CSNK2A2IP: variants seen among roughly 807,000 people sequenced by gnomAD.
CSNK2A2IP encodes casein kinase II subunit alpha'-interacting protein.
the CSNK2A2IP span, among the ~76,000 whole-genome samples, chr3:88,403,043 A>G: frequency 0.089 from 13,499 of 152,006 alleles, 1,751 homozygotes; most frequent in African/African-American, 0.28. Flanking sequence ...TGCATAATCT[A>G]TAGTGGTTTT....
chr3:88,455,894 G>A, the CSNK2A2IP span, among the ~76,000 whole-genome samples: 742 of 111,014 alleles, frequency 6.7e-3, 6 homozygotes, highest in African/African-American at 0.02. Context: ...CTAAGAGAAG[G>A]GTCCTATTTA....
At chr3:88,358,789 A>T in the CSNK2A2IP span, among the ~76,000 whole-genome samples, 1 of 152,034 alleles carries the variant, frequency 6.6e-6, no homozygotes, top group Non-Finnish European at 1.5e-5. Context: ...ACTGGCCAGC[A>T]GTTTTTGTTG....
chr3:88,359,892 G>A, the CSNK2A2IP span, among the ~76,000 whole-genome samples: 1 of 152,096 alleles, frequency 6.6e-6, no homozygotes, highest in Non-Finnish European at 1.5e-5. Context: ...CTGGTCTATA[G>A]TGCAGGTTAA....
At chr3:88,424,648 G>A in the CSNK2A2IP span, among the ~76,000 whole-genome samples, 1 of 152,082 alleles carries the variant, frequency 6.6e-6, no homozygotes, top group Non-Finnish European at 1.5e-5. Flanking sequence ...CCCATCAAGT[G>A]CTGATATCTA....
At chr3:88,388,170 T>G in the CSNK2A2IP span, among the ~76,000 whole-genome samples, 2 of 152,352 alleles carry the variant, frequency 1.3e-5, no homozygotes, top group Non-Finnish European at 2.9e-5. Flanking sequence ...AACAATTCCA[T>G]GACGTCTTTG....
chr3:88,413,896 G>A, the CSNK2A2IP span, among the ~76,000 whole-genome samples: 1 of 151,706 alleles, frequency 6.6e-6, no homozygotes. Context: ...AAAATCTTAA[G>A]AGCAATAAGA....
the CSNK2A2IP span, among the ~76,000 whole-genome samples, chr3:88,393,217 TTC>T: frequency 6.6e-6 from 1 of 152,172 alleles, no homozygotes; most frequent in East Asian, 1.9e-4. Flanking sequence ...AAGAAAGCAT[TTC>T]AGGTAAACTT....
chr3:88,405,504 C>A, the CSNK2A2IP span, among the ~76,000 whole-genome samples: 1 of 152,150 alleles, frequency 6.6e-6, no homozygotes, highest in Non-Finnish European at 1.5e-5. Context: ...GAAAGCTTGT[C>A]AAAGTAGAGT....
chr3:88,463,271 T>A, the CSNK2A2IP span, among the ~76,000 whole-genome samples: 2 of 149,946 alleles, frequency 1.3e-5, no homozygotes, highest in South Asian at 2.1e-4. Context: ...TTTTTTTGTA[T>A]CATGTATCTT....
the CSNK2A2IP span, among the ~76,000 whole-genome samples, chr3:88,401,846 T>G: frequency 6.6e-6 from 1 of 152,138 alleles, no homozygotes; most frequent in African/African-American, 2.4e-5. Context: ...CAGGAGAGAA[T>G]GAAGAAGCAA....
At chr3:88,404,004 C>A in the CSNK2A2IP span, among the ~76,000 whole-genome samples, 1 of 151,892 alleles carries the variant, frequency 6.6e-6, no homozygotes, top group Non-Finnish European at 1.5e-5. Context: ...AGACAAGTTC[C>A]ACATACTTGG....
At chr3:88,463,303 A>G in the CSNK2A2IP span, among the ~76,000 whole-genome samples, 3 of 151,792 alleles carry the variant, frequency 2.0e-5, no homozygotes, top group Non-Finnish European at 4.4e-5. Flanking sequence ...TGAAGAGCCA[A>G]CCTTGGACCC....
the CSNK2A2IP span, among the ~76,000 whole-genome samples, chr3:88,433,210 C>T: frequency 3.3e-5 from 5 of 151,850 alleles, no homozygotes; most frequent in South Asian, 2.1e-4. Flanking sequence ...TTACTGATCC[C>T]GACTTAATAA....
chr3:88,370,610 C>CTCTCTTTCTT, the CSNK2A2IP span, among the ~76,000 whole-genome samples: 2 of 148,034 alleles, frequency 1.4e-5, no homozygotes, highest in African/African-American at 5.0e-5. Flanking sequence ...CTCTCTCTCT[C>CTCTCTTTCTT]TCTTTCTTTC....
the CSNK2A2IP span, among the ~76,000 whole-genome samples, chr3:88,411,379 G>GTCTA: frequency 7.3e-3 from 1,048 of 143,610 alleles, 10 homozygotes; most frequent in Admixed American, 9.2e-3. Context: ...CTATCTATCT[G>GTCTA]TCTATCTATC....
At chr3:88,394,785 G>C in the CSNK2A2IP span, among the ~76,000 whole-genome samples, 2 of 152,086 alleles carry the variant, frequency 1.3e-5, no homozygotes, top group Non-Finnish European at 2.9e-5. Context: ...AGTGTTGATT[G>C]GATTATTTTC....
the CSNK2A2IP span, among the ~76,000 whole-genome samples, chr3:88,457,149 A>G: frequency 6.6e-5 from 10 of 152,246 alleles, no homozygotes; most frequent in South Asian, 2.1e-3. Context: ...GCATTTAGTC[A>G]TTAGGTTTAA....
chr3:88,352,276 A>G, the CSNK2A2IP span, among the ~76,000 whole-genome samples: 154 of 152,270 alleles, frequency 1.0e-3, no homozygotes, highest in African/African-American at 3.4e-3. Flanking sequence ...ACATTGGTGA[A>G]GGCAATTTTG....
the CSNK2A2IP span, among the ~76,000 whole-genome samples, chr3:88,339,792 GA>G: frequency 6.6e-6 from 1 of 152,152 alleles, no homozygotes; most frequent in Non-Finnish European, 1.5e-5. Context: ...ATTTTTGTGT[GA>G]AAAAATGTTA....
Sources: gnomAD v4.1 joint callset for allele counts (sites outside exome capture counted in the v4.1 genomes callset) on GRCh38, gnomAD v4.1.1 for gene constraint, MANE v1.5 for transcripts, NCBI Gene and HGNC (gene_info 2026-07-23, HGNC 2026-07-21) for gene names.